The following CPN1 variants were observed in gnomAD, a reference collection of about 807,000 sequenced individuals.
CPN1 encodes the protein carboxypeptidase N subunit 1, also known as carboxypeptidase N catalytic chain.
Under a neutral mutation model 46.4 loss-of-function variants are expected in CPN1, and 37 were observed. The observed-to-expected ratio is 0.80, with a 90% CI of 0.61 to 1.05. The LOEUF is 1.05. Ranked by LOEUF, CPN1 falls within the 50% of genes least tolerant of loss-of-function variation. The pLI, the probability that CPN1 is intolerant of heterozygous loss-of-function variation, is 0.00. For synonymous variants in CPN1, 224 were observed against 235.4 expected, an observed-to-expected ratio of 0.95 and a Z score of 0.44; for missense variants, 563 against 602.6, an observed-to-expected ratio of 0.93 and a Z score of 0.69.
In CPN1 at chr10:100,069,756, GC is replaced by G; in HGVS notation, c.533del (p.Gly178AlafsTer23). ...CTGGAAGGGGCAGGTGGTGGTTGGG[GC>G]CTCCGTACTTCTCGTTATAGTAGAT... is the stretch of plus-strand genomic sequence containing the variant. ...TYIYYNEKYG[G>X]PNHHLPLPDN... On this transcript the variant is annotated frameshift_variant, in exon 3 of 9. Coordinates refer to ENST00000370418, the MANE Select transcript of CPN1 (RefSeq NM_001308.3). LOFTEE classifies it high-confidence loss of function. The G allele has an allele frequency of 1.2e-6, 2 of 1,613,790 alleles. No homozygotes were observed. The highest frequency in any genetic ancestry group is 1.7e-6 in the Non-Finnish European group (2 of 1,179,984).
chr10:100,056,359 T>C (rs1428428914), intron 6 of CPN1, among the ~76,000 whole-genome samples: 1 of 152,192 alleles, frequency 6.6e-6, no homozygotes, highest in African/African-American at 2.4e-5. Flanking sequence ...CTCACCTCCT[T>C]GAAATTTTTG....
At chr10:100,067,823 G>A (rs2041462738) in intron 3 of CPN1, among the ~76,000 whole-genome samples, 1 of 152,110 alleles carries the variant, frequency 6.6e-6, no homozygotes, top group African/African-American at 2.4e-5. Flanking sequence ...AAATCAGGGA[G>A]GGTATAGTAA....
rs1456594408 is a variant in CPN1 at position 100,065,355 on chromosome 10, G to A, written c.592C>T (p.Arg198Trp). The A allele has an allele frequency of 1.2e-6, 2 of 1,614,062 alleles. No homozygotes were observed. The highest frequency in any genetic ancestry group is 2.7e-5 in the African/African-American group (2 of 74,926). ...GAGTGCATCCACCGGATCACCGCCCGGGTCTCGGGTTCCACCTGGGAGGAG... is the reference window on the plus strand; with the variant it reads ...GAGTGCATCCACCGGATCACCGCCCAGGTCTCGGGTTCCACCTGGGAGGAG... ...NWKSQVEPET[R>W]AVIRWMHSFN... Residue 198 changes from arginine to tryptophan, a missense_variant, in exon 4 of 9, where the codon CGG becomes TGG. Physicochemically the swap from Arg to Trp is moderately radical, Grantham distance 101 (BLOSUM62 -3). Transcript: ENST00000370418.
intron 8 of CPN1, among the ~76,000 whole-genome samples, chr10:100,043,494 G>A (rs1564769267): frequency 2.0e-5 from 3 of 152,012 alleles, no homozygotes; most frequent in Admixed American, 6.6e-5. Flanking sequence ...CATGATTGAC[G>A]GTGCTGTAAC....
At chr10:100,066,955 C>T (rs999850386) in intron 3 of CPN1, among the ~76,000 whole-genome samples, 5 of 152,148 alleles carry the variant, frequency 3.3e-5, no homozygotes, top group African/African-American at 7.2e-5. Flanking sequence ...CCATCAGGAG[C>T]GAGGGAAACC....
chr10:100,064,554 T>C (rs2041441502), intron 4 of CPN1, among the ~76,000 whole-genome samples: 1 of 151,616 alleles, frequency 6.6e-6, no homozygotes, highest in Admixed American at 6.6e-5. Context: ...TTAATTTTTT[T>C]ATTTTTAGTA....
At chr10:100,043,755 C>T (rs1048299656) in intron 8 of CPN1, among the ~76,000 whole-genome samples, 1 of 151,952 alleles carries the variant, frequency 6.6e-6, no homozygotes, top group African/African-American at 2.4e-5. Flanking sequence ...CCTGCCTCAG[C>T]CTCTCAGCCT....
chr10:100,052,901 G>A (rs771158153), intron 7 of CPN1, among the ~76,000 whole-genome samples: 3 of 152,018 alleles, frequency 2.0e-5, no homozygotes, highest in Non-Finnish European at 4.4e-5. Flanking sequence ...GGAGGCTGAG[G>A]CAGAAGAATT....
At chr10:100,047,399 A>G (rs918040683) in intron 8 of CPN1, among the ~76,000 whole-genome samples, 10 of 152,214 alleles carry the variant, frequency 6.6e-5, no homozygotes, top group Non-Finnish European at 1.0e-4. Flanking sequence ...TTGTTTGACT[A>G]TAGGTCATGA....
chr10:100,074,644 C>T (rs1165657882), intron 2 of CPN1, among the ~76,000 whole-genome samples: 2 of 151,920 alleles, frequency 1.3e-5, no homozygotes, highest in African/African-American at 2.4e-5. Flanking sequence ...CTCGAACTCC[C>T]GACCTCAGGT....
chr10:100,075,548 C>A (rs915497617), intron 2 of CPN1, among the ~76,000 whole-genome samples: 6 of 152,160 alleles, frequency 3.9e-5, no homozygotes, highest in Non-Finnish European at 8.8e-5. Flanking sequence ...TGCTGAAAGT[C>A]CAGGAAAGGA....
At chr10:100,062,670 T>C (rs2133438376) in intron 5 of CPN1, among the ~76,000 whole-genome samples, 1 of 150,958 alleles carries the variant, frequency 6.6e-6, no homozygotes, top group East Asian at 2.0e-4. Flanking sequence ...CTCACTGCAC[T>C]GCAGCCTTGA....
intron 5 of CPN1, among the ~76,000 whole-genome samples, chr10:100,062,374 C>T (rs2041424760): frequency 6.6e-6 from 1 of 152,118 alleles, no homozygotes; most frequent in Non-Finnish European, 1.5e-5. Flanking sequence ...CCATGGCAAA[C>T]CCCTGCTTGT....
intron 1 of CPN1, among the ~76,000 whole-genome samples, chr10:100,079,735 G>A (rs1209271072): frequency 6.6e-6 from 1 of 152,206 alleles, no homozygotes; most frequent in Non-Finnish European, 1.5e-5. Flanking sequence ...CAAGATTTAG[G>A]AAAATTTTTC....
chr10:100,047,642 G>A (rs988179807), intron 8 of CPN1, among the ~76,000 whole-genome samples: 2 of 152,090 alleles, frequency 1.3e-5, no homozygotes, highest in African/African-American at 2.4e-5. Context: ...CATTCTGAAG[G>A]CTCCTGTGTA....
intron 5 of CPN1, among the ~76,000 whole-genome samples, chr10:100,061,489 T>C (rs1260630766): frequency 6.6e-6 from 1 of 152,258 alleles, no homozygotes; most frequent in Non-Finnish European, 1.5e-5. Flanking sequence ...GAGTTTCTGA[T>C]TCAGTAGGTA....
chr10:100,066,528 G>A (rs1445163510), intron 3 of CPN1, among the ~76,000 whole-genome samples: 2 of 152,240 alleles, frequency 1.3e-5, no homozygotes, highest in African/African-American at 4.8e-5. Context: ...CATACTGTCA[G>A]ATGGGCCAGT....
At chr10:100,046,903 G>A (rs2041316274) in intron 8 of CPN1, among the ~76,000 whole-genome samples, 2 of 151,662 alleles carry the variant, frequency 1.3e-5, no homozygotes, top group African/African-American at 4.8e-5. Flanking sequence ...GCAAACCCCT[G>A]TCTCTACTAA....
At chr10:100,047,058 A>G (rs1382886664) in intron 8 of CPN1, among the ~76,000 whole-genome samples, 1 of 151,098 alleles carries the variant, frequency 6.6e-6, no homozygotes, top group Non-Finnish European at 1.5e-5. Flanking sequence ...TGGGTGGCAG[A>G]GCGAGACTCT....
Sources: allele counts gnomAD v4.1 joint callset (sites outside exome capture counted in the v4.1 genomes callset), GRCh38; gene constraint gnomAD v4.1.1; transcripts MANE v1.5; gene names NCBI Gene and HGNC (gene_info 2026-07-23, HGNC 2026-07-21).